The following NEK5 variants were observed in gnomAD, a reference collection of about 807,000 sequenced individuals.
NEK5 encodes serine/threonine-protein kinase Nek5.
In NEK5, 88 loss-of-function variants were observed where a neutral mutation model predicts 109.2. That is an observed-to-expected ratio of 0.81 (90% confidence interval 0.68 to 0.96). The LOEUF (loss-of-function observed/expected upper bound fraction) is 0.96, where lower values mean the gene tolerates loss of function less well. NEK5 is among the 40% of genes least tolerant of loss of function. The probability of loss-of-function intolerance (pLI) is 0.00; values close to 1 mark genes in which losing one functional copy is unlikely to be tolerated. For missense variants in NEK5, 834 were observed against 920.7 expected (o/e 0.91, Z 1.22); for synonymous variants, 283 against 299.9 (o/e 0.94, Z 0.58).
rs1156787235 is a variant in NEK5 at position 52,036,104 on chromosome 13, A to C, written c.*844T>G. The C allele has an allele frequency of 6.6e-6, 1 of 152,192 alleles. No homozygotes were observed. Among genetic ancestry groups the C allele is most frequent in the African/African-American group, 2.4e-5 (1 of 41,456 alleles). 9.4% of individuals were successfully genotyped at this position (152,192 alleles called of 1,614,324 possible). On this transcript the variant is annotated 3_prime_UTR_variant, in exon 24 of 24. Coordinates refer to ENST00000684899, the MANE Select transcript of NEK5 (RefSeq NM_001365552.1). ...GTGTTCCTTCTGGAGGCTCTAGGGA[A>C]GAATCCATTTCTTTGCCTTTTCCAG... is the stretch of plus-strand genomic sequence containing the variant.
In NEK5 at chr13:52,065,516, T is replaced by C; in HGVS notation, c.1943A>G (p.Asp648Gly). 1 of 1,613,442 alleles carries C rather than the reference T, an allele frequency of 6.2e-7. No homozygotes were observed. Among genetic ancestry groups the C allele is most frequent in the Non-Finnish European group, 8.5e-7 (1 of 1,179,350 alleles). The change falls in exon 21 of 24, where the codon GAC becomes GGC. Residue 648 changes from aspartate (D) to glycine (G), a missense_variant. Asp to Gly is a moderately conservative substitution (Grantham distance 94, BLOSUM62 -1). This residue lies in a region of NEK5 where 777 missense variants were observed against 824.7 expected (regional missense o/e 0.94). Coordinates refer to ENST00000684899, the MANE Select transcript of NEK5 (RefSeq NM_001365552.1). ...CCCCGTGGGGCAGGTGGAGGTGATGTCGGCCACTGCCATCATCTGCAGCAG... is the reference window on the plus strand; with the variant it reads ...CCCCGTGGGGCAGGTGGAGGTGATGCCGGCCACTGCCATCATCTGCAGCAG... ...QTLLQMMAVA[D>G]ITSTCPTGPD...
intron 3 of NEK5, among the ~76,000 whole-genome samples, chr13:52,125,202 G>T (rs1158475109): frequency 6.6e-6 from 1 of 152,158 alleles, no homozygotes; most frequent in African/African-American, 2.4e-5. Context: ...CAGGATCTCT[G>T]AGACAATAAA....
intron 20 of NEK5, among the ~76,000 whole-genome samples, chr13:52,067,761 G>A (rs180973928): frequency 2.1e-4 from 30 of 143,748 alleles, no homozygotes; most frequent in Admixed American, 9.0e-4. Context: ...GCACAATCTT[G>A]TCTCACTGCA....
intron 9 of NEK5, among the ~76,000 whole-genome samples, chr13:52,102,812 ATTTTG>A (rs59694897): frequency 0.41 from 62,623 of 151,678 alleles, 14,796 homozygotes; most frequent in Non-Finnish European, 0.53. Context: ...ACAAGTTTTT[ATTTTG>A]TTTTAATTCT....
chr13:52,099,388 G>C (rs1002437884), intron 12 of NEK5, among the ~76,000 whole-genome samples: 2 of 151,818 alleles, frequency 1.3e-5, no homozygotes, highest in African/African-American at 4.8e-5. Flanking sequence ...AAAATTAGCC[G>C]GGGCCGGGCG....
chr13:52,092,796 G>C (rs965907407), intron 13 of NEK5, among the ~76,000 whole-genome samples: 1 of 152,174 alleles, frequency 6.6e-6, no homozygotes, highest in Non-Finnish European at 1.5e-5. Context: ...CGAGGCACGA[G>C]AATCGCTTGA....
intron 11 of NEK5, among the ~76,000 whole-genome samples, chr13:52,100,858 G>C (rs1024725100): frequency 1.3e-5 from 2 of 152,156 alleles, no homozygotes; most frequent in Non-Finnish European, 2.9e-5. Context: ...TGGCAAAGAG[G>C]CTCATTCACT....
chr13:52,065,444 G>C, intron 21 of NEK5, 40 bp downstream of exon 21: 1 of 1,614,082 alleles, frequency 6.2e-7, no homozygotes, highest in Non-Finnish European at 8.5e-7. Context: ...CGGGTCCTTG[G>C]TCTTCCCTTC....
chr13:52,049,577 G>T (rs1202372894), intron 23 of NEK5, among the ~76,000 whole-genome samples: 2 of 151,818 alleles, frequency 1.3e-5, no homozygotes, highest in African/African-American at 4.8e-5. Flanking sequence ...TACAGCAGGG[G>T]TGTCCAATCT....
chr13:52,069,954 A>C (rs1954758984), intron 20 of NEK5, among the ~76,000 whole-genome samples: 1 of 152,220 alleles, frequency 6.6e-6, no homozygotes, highest in Non-Finnish European at 1.5e-5. Context: ...TTTTTTGCTC[A>C]TAACACTTCT....
At chr13:52,040,762 A>C (rs1295096012) in intron 23 of NEK5, among the ~76,000 whole-genome samples, 2 of 152,144 alleles carry the variant, frequency 1.3e-5, no homozygotes, top group African/African-American at 4.8e-5. Context: ...AGAATGTCTT[A>C]TATTTACTTC....
chr13:52,036,955 T>C lies in NEK5; in HGVS notation c.2492A>G (p.Gln831Arg). ...TAAGAAAAAGTACAATAATCACACTTGTATATTTTGACTGGTTGTTGATGT... is the reference window on the plus strand; with the variant it reads ...TAAGAAAAAGTACAATAATCACACTCGTATATTTTGACTGGTTGTTGATGT... ...QGTSTTSQNI[Q>R]V Residue 831 changes from glutamine (Q) to arginine (R), a missense_variant, in exon 24 of 24, where the codon CAA becomes CGA. Physicochemically the swap from Gln to Arg is conservative, Grantham distance 43. Transcript: ENST00000684899. The C allele has an allele frequency of 1.0e-6, 1 of 984,976 alleles. No individual in the cohort carries two copies. The highest frequency in any genetic ancestry group is 1.2e-6 in the Non-Finnish European group (1 of 829,548). The allele number at this position is 984,976 out of a possible 1,614,324, so 61.0% of individuals were successfully genotyped here.
At chr13:52,118,877 CTCTG>C (rs1385156728) in intron 4 of NEK5, among the ~76,000 whole-genome samples, 2 of 152,160 alleles carry the variant, frequency 1.3e-5, no homozygotes, top group African/African-American at 4.8e-5. Flanking sequence ...GTGTGGTGGG[CTCTG>C]TGTTTTCCCC....
chr13:52,083,218 C>T (rs1359574274), intron 17 of NEK5, 42 bp downstream of exon 17: 2 of 1,356,096 alleles, frequency 1.5e-6, no homozygotes, highest in Non-Finnish European at 2.1e-6. Context: ...GGGTAGAGCA[C>T]ACACACTGCA....
intron 23 of NEK5, among the ~76,000 whole-genome samples, chr13:52,047,471 G>A (rs1954469473): frequency 6.6e-6 from 1 of 152,160 alleles, no homozygotes; most frequent in Non-Finnish European, 1.5e-5. Flanking sequence ...CTGATGTAAA[G>A]AGTTAGGTAG....
chr13:52,059,810 G>C (rs879291079), intron 22 of NEK5, among the ~76,000 whole-genome samples: 10 of 151,756 alleles, frequency 6.6e-5, no homozygotes, highest in Admixed American at 2.6e-4. Context: ...GTTGTGGGGT[G>C]GGGGGACGGG....
chr13:52,090,808 A>T (rs1955264338), intron 13 of NEK5, among the ~76,000 whole-genome samples: 1 of 151,936 alleles, frequency 6.6e-6, no homozygotes, highest in African/African-American at 2.4e-5. Context: ...GGTGGATCAC[A>T]AGGTCAGGAG....
intron 23 of NEK5, among the ~76,000 whole-genome samples, chr13:52,040,545 T>C (rs1240950167): frequency 6.6e-6 from 1 of 152,226 alleles, no homozygotes; most frequent in Non-Finnish European, 1.5e-5. Context: ...TTCTTATGTT[T>C]GGATTCCTGA....
rs1345193216 is a variant in NEK5, at chr13:52,083,311, C to A, written c.1521G>T (p.Lys507Asn). 2 of 1,613,326 alleles carry A rather than the reference C, an allele frequency of 1.2e-6. No homozygotes were observed. The highest frequency in any genetic ancestry group is 1.7e-6 in the Non-Finnish European group (2 of 1,179,288). ...CATCTTGATGGACAGGCAGGTTACT[C>A]TTCTTCACCAAATAGGTTTTATGAC... ...KISHKTYLVK[K>N]SNLPVHQDAS... Residue 507 changes from lysine (K) to asparagine (N), a missense_variant, in exon 17 of 24, where the codon AAG (lysine) becomes AAT (asparagine). Coordinates refer to ENST00000684899, the MANE Select transcript of NEK5 (RefSeq NM_001365552.1).
Sources: allele counts gnomAD v4.1 joint callset (sites outside exome capture counted in the v4.1 genomes callset), GRCh38; gene constraint gnomAD v4.1.1; regional missense constraint gnomAD v4.1.1; transcripts MANE v1.5; gene names NCBI Gene and HGNC (gene_info 2026-07-23, HGNC 2026-07-21).